Variants in OSBPL1A observed in about 807,000 individuals in gnomAD.
The protein encoded by OSBPL1A is oxysterol-binding protein-related protein 1.
A neutral mutation model predicts 137.1 loss-of-function variants in OSBPL1A; 80 were observed. That is an observed-to-expected ratio of 0.58 (90% CI 0.49 to 0.70). OSBPL1A has a LOEUF of 0.70. OSBPL1A is among the 30% of genes least tolerant of loss of function. The pLI is 0.00. For missense variants in OSBPL1A, 970 were observed against 1,129.4 expected, an observed-to-expected ratio of 0.86 and a Z score of 2.02; for synonymous variants, 365 against 389.7, an observed-to-expected ratio of 0.94 and a Z score of 0.75.
At chr18:24,335,744 A>G (rs964560301) in intron 5 of OSBPL1A, among the ~76,000 whole-genome samples, 1 of 152,230 alleles carries the variant, frequency 6.6e-6, no homozygotes, top group Admixed American at 6.5e-5. Context: ...ACATTTGTTA[A>G]CAGTAATCAC....
chr18:24,246,208 G>A (rs745799136), intron 15 of OSBPL1A, among the ~76,000 whole-genome samples: 6 of 151,772 alleles, frequency 4.0e-5, no homozygotes, highest in South Asian at 4.2e-4. Flanking sequence ...GCGAAACCCC[G>A]TCTTGAAAAA....
intron 15 of OSBPL1A, among the ~76,000 whole-genome samples, chr18:24,279,287 G>A (rs2089908817): frequency 6.6e-6 from 1 of 151,442 alleles, no homozygotes; most frequent in African/African-American, 2.4e-5. Flanking sequence ...AAATTAGCTG[G>A]GCATCATGGT....
intron 15 of OSBPL1A, among the ~76,000 whole-genome samples, chr18:24,259,150 G>A (rs1312137943): frequency 2.0e-5 from 3 of 151,718 alleles, no homozygotes; most frequent in East Asian, 1.9e-4. Flanking sequence ...CTCGTGATCC[G>A]CCTGCCTCGG....
rs903881840 is a variant in OSBPL1A at position 24,326,824 on chromosome 18, C to T, written c.625+6118G>A. Among the ~76,000 whole-genome samples, 7 of 152,264 alleles carry T rather than the reference C, an allele frequency of 4.6e-5. No individual in the cohort carries two copies. In the East Asian group the frequency reaches 1.2e-3, roughly 25 times the overall value. ...TTAAAAAATATATGTTACTATGAAA[C>T]ATTAACAACTAAAACTAAAACATTA... On this transcript the variant is annotated intron_variant, in intron 7 of 27. Coordinates refer to ENST00000319481, the MANE Select transcript of OSBPL1A (RefSeq NM_080597.4).
intron 16 of OSBPL1A, among the ~76,000 whole-genome samples, chr18:24,228,672 AGTGGAGAATGTTGTATCAGG>A (rs1472322507): frequency 6.6e-6 from 1 of 152,134 alleles, no homozygotes; most frequent in East Asian, 1.9e-4. Flanking sequence ...AACTTTACAG[AGTGGAGAATGTTGTATCAGG>A]AAAGAACTGT....
chr18:24,171,943 CTT>C (rs371618047), intron 22 of OSBPL1A, among the ~76,000 whole-genome samples: 16 of 140,206 alleles, frequency 1.1e-4, no homozygotes, highest in Non-Finnish European at 1.6e-4. Flanking sequence ...TTGCCTGATC[CTT>C]TTTTTTTTTT....
intron 14 of OSBPL1A, among the ~76,000 whole-genome samples, chr18:24,284,265 A>G (rs2851983): frequency 3.3e-5 from 5 of 152,196 alleles, no homozygotes; most frequent in African/African-American, 1.2e-4. Context: ...AAAAGTGACC[A>G]ACTGGGAATC....
intron 15 of OSBPL1A, among the ~76,000 whole-genome samples, chr18:24,273,808 C>A (rs889629731): frequency 1.3e-5 from 2 of 152,062 alleles, no homozygotes; most frequent in African/African-American, 4.8e-5. Flanking sequence ...AAGGGTGGAG[C>A]CTGTATGAGG....
intron 16 of OSBPL1A, among the ~76,000 whole-genome samples, chr18:24,229,191 G>A (rs1879110602): frequency 6.6e-6 from 1 of 152,168 alleles, no homozygotes. Flanking sequence ...GAGACAGCGA[G>A]ACTCTGTCTC....
intron 15 of OSBPL1A, among the ~76,000 whole-genome samples, chr18:24,268,837 G>C (rs575087084): frequency 6.6e-6 from 1 of 152,130 alleles, no homozygotes; most frequent in Non-Finnish European, 1.5e-5. Context: ...GTTGACGTAG[G>C]TGACTCCCAA....
At chr18:24,360,742 C>T (rs2091609065) in intron 4 of OSBPL1A, among the ~76,000 whole-genome samples, 1 of 152,116 alleles carries the variant, frequency 6.6e-6, no homozygotes, top group African/African-American at 2.4e-5. Flanking sequence ...GTTTTCTTCT[C>T]ACCTCCTAAA....
intron 4 of OSBPL1A, among the ~76,000 whole-genome samples, chr18:24,362,017 A>G (rs923281664): frequency 4.2e-5 from 4 of 94,672 alleles, no homozygotes; most frequent in Non-Finnish European, 6.4e-5. Context: ...AAAAAAAAAA[A>G]AAGACATAGA....
chr18:24,376,955 G>C (rs577235823), intron 2 of OSBPL1A, among the ~76,000 whole-genome samples: 1 of 152,314 alleles, frequency 6.6e-6, no homozygotes, highest in South Asian at 2.1e-4. Flanking sequence ...CCTGGTTCCC[G>C]CTAGCGCCTC....
At chr18:24,284,236 A>G (rs1460401370) in intron 14 of OSBPL1A, among the ~76,000 whole-genome samples, 1 of 152,116 alleles carries the variant, frequency 6.6e-6, no homozygotes, top group Non-Finnish European at 1.5e-5. Flanking sequence ...AAAAAAAATT[A>G]AAATTGCTAA....
intron 4 of OSBPL1A, among the ~76,000 whole-genome samples, chr18:24,348,351 T>C (rs1358490619): frequency 6.6e-6 from 1 of 152,176 alleles, no homozygotes; most frequent in Admixed American, 6.5e-5. Flanking sequence ...TGTTCTAAAG[T>C]TTTACTTTTA....
intron 1 of OSBPL1A, 63 bp downstream of exon 1, chr18:24,397,592 G>C (rs1212323232): frequency 6.6e-6 from 1 of 152,234 alleles, no homozygotes; most frequent in South Asian, 2.1e-4. Flanking sequence ...GCAGCCCGGC[G>C]GGAACCCGTC....
In OSBPL1A at chr18:24,271,518, A is replaced by G; in HGVS notation, c.1281+9324T>C. ...TCCAACTATTCTTGGATCTACTCAC[A>G]TCCCTGGATCAAGTCTGGCCGCCCT... is the stretch of plus-strand genomic sequence containing the variant. On this transcript the variant is annotated intron_variant, in intron 15 of 27. Transcript: ENST00000319481. This position sits in a 1 kb window ranked among gnomAD's most constrained non-coding sequence, Gnocchi z 4.0. 1.0e-6 allele frequency: 1 copy of G among 974,208 alleles called. No homozygotes were observed. 60.3% of individuals were successfully genotyped at this position (974,208 alleles called of 1,614,324 possible).
intron 15 of OSBPL1A, among the ~76,000 whole-genome samples, chr18:24,257,831 A>G (rs573892669): frequency 9.9e-5 from 15 of 152,236 alleles, no homozygotes; most frequent in Non-Finnish European, 1.6e-4. Flanking sequence ...ATTTGAACAG[A>G]TATTTCTCAA....
At chr18:24,334,224 G>A in intron 6 of OSBPL1A, 21 bp downstream of exon 6, 1 of 1,582,192 alleles carries the variant, frequency 6.3e-7, no homozygotes, top group South Asian at 1.2e-5. Flanking sequence ...TTGTCTTTTG[G>A]GGGTTTTTTG....
Sources: allele counts gnomAD v4.1 joint callset (sites outside exome capture counted in the v4.1 genomes callset), GRCh38; gene constraint gnomAD v4.1.1; non-coding constraint Gnocchi (gnomAD v3.1); transcripts MANE v1.5; gene names NCBI Gene and HGNC (gene_info 2026-07-23, HGNC 2026-07-21).